The following NBAS variants were observed in gnomAD, a reference collection of about 807,000 sequenced individuals.
NBAS encodes NAG/BC035112 fusion.
In NBAS, 219 loss-of-function variants were observed where a neutral mutation model predicts 302.5. That is an observed-to-expected ratio of 0.72 (90% CI 0.65 to 0.81). The LOEUF (loss-of-function observed/expected upper bound fraction) is 0.81. NBAS is among the 30% of genes least tolerant of loss of function. NBAS has a pLI of 0.00. For missense variants in NBAS, 2,932 were observed against 2,841.6 expected (o/e 1.03, Z -0.72); for synonymous variants, 1,118 against 1,021.6 (o/e 1.09, Z -1.80).
chr2:15,507,932 G>A (rs950162000), intron 10 of NBAS, among the ~76,000 whole-genome samples: 8 of 152,272 alleles, frequency 5.3e-5, no homozygotes, highest in Non-Finnish European at 1.0e-4. Flanking sequence ...GAGAGACTAC[G>A]ATGTATGTGT....
chr2:14,779,610 A>C, the NBAS span, among the ~76,000 whole-genome samples: 1 of 151,888 alleles, frequency 6.6e-6, no homozygotes, highest in Admixed American at 6.6e-5. Context: ...CCAGATGTTC[A>C]CTCCTTTAGT....
At chr2:15,160,585 C>CGGGGGGGGGGGGGGGGGGGGGGGGGGGG in the NBAS span, among the ~76,000 whole-genome samples, 1 of 92,288 alleles carries the variant, frequency 1.1e-5, no homozygotes, top group Admixed American at 1.1e-4. Flanking sequence ...CCAGTGTGGG[C>CGGGGGGGGGGGGGGGGGGGGGGGGGGGG]GGGGGGAGGG....
chr2:14,988,864 A>C, the NBAS span, among the ~76,000 whole-genome samples: 1 of 152,142 alleles, frequency 6.6e-6, no homozygotes, highest in South Asian at 2.1e-4. Context: ...GACTAGGAAA[A>C]ATGTTAGGCA....
Position 15,238,520 on chromosome 2 carries a change from TG to T in NBAS, c.5890del (p.His1964ThrfsTer5). On this transcript the variant is annotated frameshift_variant, in exon 45 of 52. Coordinates refer to ENST00000281513, the MANE Select transcript of NBAS (RefSeq NM_015909.4). LOFTEE classifies it high-confidence loss of function. Reference protein sequence around the residue: ...TLNHLEKSLAHLETLSHSFIL... With the variant: ...TLNHLEKSLAXLETLSHSFIL... ...GAAGCTGTGGCTCAGGGTTTCCAGG[TG>T]GGCAAGTGATTTCTCCAGATGATTC... is the stretch of plus-strand genomic sequence containing the variant. 5.0e-6 allele frequency: 8 copies of T among 1,614,210 alleles called. No individual in the cohort carries two copies. The highest frequency in any genetic ancestry group is 6.8e-6 in the Non-Finnish European group (8 of 1,180,046).
chr2:15,319,911 T>A (rs746196432), intron 38 of NBAS, among the ~76,000 whole-genome samples: 10 of 152,034 alleles, frequency 6.6e-5, no homozygotes, highest in Non-Finnish European at 1.5e-4. Flanking sequence ...AGCATCATCC[T>A]CATACCAAAG....
intron 21 of NBAS, among the ~76,000 whole-genome samples, chr2:15,441,733 C>T (rs1678419821): frequency 6.6e-6 from 1 of 151,460 alleles, no homozygotes; most frequent in South Asian, 2.1e-4. Context: ...AGAGTCAAGA[C>T]TCATCAGTGT....
intron 11 of NBAS, among the ~76,000 whole-genome samples, chr2:15,498,645 G>GA (rs982864296): frequency 1.7e-4 from 26 of 152,158 alleles, no homozygotes; most frequent in African/African-American, 6.0e-4. Flanking sequence ...GGCCTGATGG[G>GA]AAGTGACTGA....
At chr2:14,835,168 G>C in the NBAS span, among the ~76,000 whole-genome samples, 1 of 151,674 alleles carries the variant, frequency 6.6e-6, no homozygotes, top group Admixed American at 6.6e-5. Flanking sequence ...ACAGATTTTT[G>C]AGGTAAGACC....
chr2:14,953,059 T>G, the NBAS span, among the ~76,000 whole-genome samples: 1 of 152,072 alleles, frequency 6.6e-6, no homozygotes, highest in Admixed American at 6.6e-5. Context: ...ATGTTCTGGG[T>G]GGAGGAAATA....
At chr2:15,548,937 G>A (rs544434768) in intron 6 of NBAS, among the ~76,000 whole-genome samples, 122 of 152,098 alleles carry the variant, frequency 8.0e-4, no homozygotes, top group Non-Finnish European at 1.3e-3. Flanking sequence ...AGACTCTCAC[G>A]GGATAGACAG....
chr2:15,317,943 T>C (rs535382169), intron 38 of NBAS, among the ~76,000 whole-genome samples: 4 of 152,146 alleles, frequency 2.6e-5, no homozygotes, highest in South Asian at 4.2e-4. Context: ...AGACACATAA[T>C]TGTCAGATTC....
At chr2:15,482,863 T>C (rs1244526731) in intron 12 of NBAS, among the ~76,000 whole-genome samples, 1 of 152,192 alleles carries the variant, frequency 6.6e-6, no homozygotes, top group Non-Finnish European at 1.5e-5. Flanking sequence ...CTGTCTTTTG[T>C]TATAGGACTG....
chr2:15,057,985 A>G, the NBAS span, among the ~76,000 whole-genome samples: 1 of 152,192 alleles, frequency 6.6e-6, no homozygotes, highest in Admixed American at 6.5e-5. Flanking sequence ...ACACTTCCAC[A>G]CTGCTGCTGG....
In NBAS at chr2:15,504,213, C is replaced by A. The variant is rs757043102; in HGVS notation, c.886G>T (p.Val296Leu). ...VTNGGDGVTA[V>L]PKTLGLLRML... ...CTTAATAATCCCAGTGTCTTCGGTA[C>A]CTGCAAAATAAATGCATCATATGAA... Residue 296 changes from valine (V) to leucine (L), a missense_variant and splice_region_variant, in exon 11 of 52, where the codon GTA becomes TTA. Coordinates refer to ENST00000281513, the MANE Select transcript of NBAS (RefSeq NM_015909.4). 6.2e-7 allele frequency: 1 copy of A among 1,609,076 alleles called. No individual in the cohort carries two copies. Among genetic ancestry groups the A allele is most frequent in the African/African-American group, 1.3e-5 (1 of 74,878 alleles).
intron 44 of NBAS, among the ~76,000 whole-genome samples, chr2:15,260,222 T>C (rs1408685442): frequency 6.6e-6 from 1 of 152,210 alleles, no homozygotes; most frequent in Non-Finnish European, 1.5e-5. Flanking sequence ...GTGATTTTAA[T>C]TTAGCTACAT....
intron 22 of NBAS, among the ~76,000 whole-genome samples, chr2:15,425,123 C>T (rs759649217): frequency 3.3e-5 from 5 of 150,422 alleles, no homozygotes; most frequent in Admixed American, 6.7e-5. Context: ...GAGTTTTTAA[C>T]GAGAATGATC....
chr2:15,474,680 C>G (rs957601976), intron 14 of NBAS, among the ~76,000 whole-genome samples: 6 of 152,072 alleles, frequency 3.9e-5, no homozygotes, highest in African/African-American at 1.4e-4. Context: ...CCTGCCTCAG[C>G]CTCCCGAGTA....
At chr2:15,513,932 A>G (rs978247685) in intron 9 of NBAS, among the ~76,000 whole-genome samples, 3 of 152,088 alleles carry the variant, frequency 2.0e-5, no homozygotes, top group Non-Finnish European at 4.4e-5. Context: ...GGTTGCAGTG[A>G]GCCATAATTG....
At chr2:14,830,274 G>A in the NBAS span, among the ~76,000 whole-genome samples, 1 of 152,156 alleles carries the variant, frequency 6.6e-6, no homozygotes, top group Non-Finnish European at 1.5e-5. Context: ...GCAGCAGGCG[G>A]GTCTCACATA....
Sources: allele counts gnomAD v4.1 joint callset (sites outside exome capture counted in the v4.1 genomes callset), GRCh38; gene constraint gnomAD v4.1.1; transcripts MANE v1.5; gene names NCBI Gene and HGNC (gene_info 2026-07-23, HGNC 2026-07-21).